The following MED13L variants were observed in gnomAD, a reference collection of about 807,000 sequenced individuals.
MED13L encodes mediator of RNA polymerase II transcription subunit 13-like.
A neutral mutation model predicts 220.9 loss-of-function variants in MED13L; 7 were observed. The ratio of observed to expected loss-of-function variants is 0.03; its 90% CI spans 0.02 to 0.06. The LOEUF is 0.06. MED13L is among the 10% of genes least tolerant of loss of function. The probability of loss-of-function intolerance (pLI) is 1.00; values close to 1 mark genes in which losing one functional copy is unlikely to be tolerated. For missense variants in MED13L, 1,965 were observed against 2,760.5 expected (o/e 0.71, Z 6.46); for synonymous variants, 1,011 against 1,015.2 (o/e 1.00, Z 0.08).
chr12:115,996,333 C>T, intron 16 of MED13L, 143 bp downstream of exon 16: 2 of 875,138 alleles, frequency 2.3e-6, no homozygotes, highest in East Asian at 2.6e-5. Context: ...CTCAAGTGAT[C>T]TGCCCGCCTC....
Position 116,277,125 on chromosome 12 carries a change from C to T in MED13L, c.7G>A (p.Ala3Thr). ...CCGTTCGCCACCCAGTTCGCTGCCG[C>T]AGTCATGATCCTCCGCGAGCCCGGC... MT[A>T]AANWVANGAS... is the part of the protein sequence containing the mutation. Residue 3 changes from alanine to threonine, a missense_variant, in exon 1 of 31, where the codon GCG (alanine) becomes ACG (threonine). Ala to Thr is a moderately conservative substitution (Grantham distance 58, BLOSUM62 0). Around this residue, in one of 10 missense-constraint regions of MED13L, gnomAD observed 818 missense variants for 1,041.2 expected, o/e 0.79. Coordinates refer to ENST00000281928, the MANE Select transcript of MED13L (RefSeq NM_015335.5). 6.3e-7 allele frequency: 1 copy of T among 1,582,134 alleles called. No homozygotes were observed. The highest frequency in any genetic ancestry group is 1.2e-5 in the South Asian group (1 of 86,886).
Position 115,975,064 on chromosome 12 carries a change from T to C in MED13L, c.5731+107A>G, listed in dbSNP as rs377180041. 108 of 1,140,754 alleles carry C rather than the reference T, an allele frequency of 9.5e-5. No homozygotes were observed. The East Asian group carries it at 2.3e-3, about 25-fold the overall frequency. 70.7% of individuals were successfully genotyped at this position (1,140,754 alleles called of 1,614,324 possible). On this transcript the variant is annotated intron_variant, in intron 25 of 30. Coordinates refer to ENST00000281928, the MANE Select transcript of MED13L (RefSeq NM_015335.5). ...TATAAAAGAATCATAAAATAGAATC[T>C]GTTTAATTCTTACAAATTTAAACAT...
intron 2 of MED13L, among the ~76,000 whole-genome samples, chr12:116,234,904 T>G (rs567764956): frequency 6.9e-4 from 104 of 151,720 alleles, no homozygotes; most frequent in African/African-American, 2.3e-3. Flanking sequence ...CTCAAGCATT[T>G]GGGCCCCCTC....
chr12:115,982,214 T>C (rs537827560), intron 22 of MED13L, 170 bp downstream of exon 22: 64 of 668,334 alleles, frequency 9.6e-5, no homozygotes, highest in Non-Finnish European at 1.5e-4. Context: ...ATTATATATA[T>C]GCAAATATTC....
intron 4 of MED13L, among the ~76,000 whole-genome samples, chr12:116,031,759 A>AGAAAGAAGGAAGGAAGGAAGGAAG (rs1592967502): frequency 4.6e-4 from 19 of 40,986 alleles, no homozygotes; most frequent in East Asian, 2.3e-3. Context: ...AGAAAAGAAA[A>AGAAAGAAGGAAGGAAGGAAGGAAG]GAAGGAAGGA....
At chr12:115,987,055 T>C (rs1877740471) in intron 18 of MED13L, 54 bp downstream of exon 18, 4 of 1,573,900 alleles carry the variant, frequency 2.5e-6, no homozygotes, top group Middle Eastern at 1.7e-4. Context: ...AACGCTGCTC[T>C]TCACTGAACA....
chr12:116,145,392 T>A (rs1470518016), intron 2 of MED13L, among the ~76,000 whole-genome samples: 1 of 152,200 alleles, frequency 6.6e-6, no homozygotes, highest in African/African-American at 2.4e-5. Context: ...TTGGCCTAGC[T>A]CATCTAAAAA....
intron 2 of MED13L, among the ~76,000 whole-genome samples, chr12:116,184,481 T>C (rs1266539917): frequency 6.6e-6 from 1 of 152,136 alleles, no homozygotes; most frequent in African/African-American, 2.4e-5. Flanking sequence ...AAATGAAGTT[T>C]TCCAGGAAAC....
intron 4 of MED13L, among the ~76,000 whole-genome samples, chr12:116,080,946 T>C (rs1871202954): frequency 6.6e-6 from 1 of 152,222 alleles, no homozygotes; most frequent in African/African-American, 2.4e-5. Context: ...ACGAAGGTAT[T>C]CCTAGGGCAC....
intron 2 of MED13L, among the ~76,000 whole-genome samples, chr12:116,152,377 GT>G (rs1424169530): frequency 6.6e-6 from 1 of 152,112 alleles, no homozygotes; most frequent in Non-Finnish European, 1.5e-5. Flanking sequence ...ATTGTTTGTG[GT>G]TTTTTGCTTT....
chr12:116,078,407 C>T (rs1386058098), intron 4 of MED13L, among the ~76,000 whole-genome samples: 2 of 152,008 alleles, frequency 1.3e-5, no homozygotes, highest in Admixed American at 1.3e-4. Context: ...TTAGTGAAAG[C>T]AGAATAAATA....
chr12:116,132,518 A>AT (rs1876157929), intron 2 of MED13L, among the ~76,000 whole-genome samples: 2 of 152,138 alleles, frequency 1.3e-5, no homozygotes, highest in African/African-American at 4.8e-5. Flanking sequence ...ACTCAAACTA[A>AT]GTATGCTATT....
chr12:116,223,694 A>C (rs960335796), intron 2 of MED13L, among the ~76,000 whole-genome samples: 2 of 152,076 alleles, frequency 1.3e-5, no homozygotes, highest in Non-Finnish European at 2.9e-5. Context: ...ACAAAAGCAA[A>C]ACTCCATCTC....
chr12:115,982,561 G>A lies in MED13L; in HGVS notation c.4998C>T (p.Asp1666=). 1 of 1,614,152 alleles carries A rather than the reference G, an allele frequency of 6.2e-7. No individual in the cohort carries two copies. The highest frequency in any genetic ancestry group is 8.5e-7 in the Non-Finnish European group (1 of 1,180,018). ...GAGGGTGGGCATGGCTGTCTGCAGA[G>A]TCAGGCTCCGTGGGAATTCCTATTC... is the stretch of plus-strand genomic sequence containing the variant. The part of the protein sequence containing the change: ...RERIGIPTEP[D]SADSHAHPPA... The change falls in exon 22 of 31, where the codon GAC becomes GAT. Residue 1666 remains aspartate, a synonymous_variant. Coordinates refer to ENST00000281928, the MANE Select transcript of MED13L (RefSeq NM_015335.5).
At chr12:116,020,436 G>A (rs185641947) in intron 5 of MED13L, among the ~76,000 whole-genome samples, 5 of 152,280 alleles carry the variant, frequency 3.3e-5, no homozygotes, top group South Asian at 2.1e-4. Context: ...CATGGAGACC[G>A]CAAATGCTGC....
chr12:116,003,213 A>C (rs1878854180), intron 13 of MED13L, 111 bp from the exon 14 acceptor site: 2 of 841,116 alleles, frequency 2.4e-6, no homozygotes, highest in Non-Finnish European at 4.0e-6. Flanking sequence ...AGAAGCGTTT[A>C]CCAGGTGAAC....
At position 116,020,690 on chromosome 12, in the gene MED13L, T is replaced by C. The variant is rs144230225; in HGVS notation, c.626-718A>G. ...TCTATCTTCTTTCAGTATTTGACCT[T>C]GATGGCATTTTCACTGAGTCAGACA... is the stretch of plus-strand genomic sequence containing the variant. On this transcript the variant is annotated intron_variant, in intron 5 of 30. Transcript: ENST00000281928. Among the ~76,000 whole-genome samples the C allele has an allele frequency of 2.6e-5, 4 of 152,316 alleles. No homozygotes were observed. The East Asian group carries it at 7.7e-4, about 29-fold the overall frequency.
chr12:116,114,611 T>C (rs948560528), intron 2 of MED13L, among the ~76,000 whole-genome samples: 1 of 152,146 alleles, frequency 6.6e-6, no homozygotes, highest in Admixed American at 6.5e-5. Flanking sequence ...CTACTCCTAT[T>C]CCACATTATA....
chr12:116,186,513 A>C (rs1880914787), intron 2 of MED13L, among the ~76,000 whole-genome samples: 1 of 152,194 alleles, frequency 6.6e-6, no homozygotes, highest in South Asian at 2.1e-4. Context: ...GTAAGTTAGA[A>C]GCCTTAAAAT....
Sources: allele counts gnomAD v4.1 joint callset (sites outside exome capture counted in the v4.1 genomes callset), GRCh38; gene constraint gnomAD v4.1.1; regional missense constraint gnomAD v4.1.1; transcripts MANE v1.5; gene names NCBI Gene and HGNC (gene_info 2026-07-23, HGNC 2026-07-21).